Variants in HYDIN observed in about 807,000 individuals in gnomAD.
HYDIN encodes the protein axonemal central pair apparatus protein HYDIN.
In HYDIN, 132 loss-of-function variants were observed where a neutral mutation model predicts 403.9. The observed-to-expected ratio is 0.33, with a 90% CI of 0.28 to 0.38. The LOEUF (loss-of-function observed/expected upper bound fraction) is 0.38, where lower values mean the gene tolerates loss of function less well. HYDIN is among the 10% of genes least tolerant of loss of function. The probability of loss-of-function intolerance (pLI) is 1.00; values close to 1 mark genes in which losing one functional copy is unlikely to be tolerated. For synonymous variants in HYDIN, 1,202 were observed against 1,891.7 expected (o/e 0.64, Z 9.46); for missense variants, 2,827 against 5,009.5 (o/e 0.56, Z 13.15).
At position 70,943,892 on chromosome 16, in the gene HYDIN, T is replaced by C; in HGVS notation, c.6589A>G (p.Ser2197Gly). The change falls in exon 42 of 86, where the codon AGT becomes GGT. Residue 2197 changes from serine to glycine, a missense_variant. Coordinates refer to ENST00000393567, the MANE Select transcript of HYDIN (RefSeq NM_001270974.2). ...PIHRWLSVSPSVGGETGLMSC... is the reference protein window; with the variant it reads ...PIHRWLSVSPGVGGETGLMSC... ...ATCAGCCCGGTCTCGCCTCCGACAC[T>C]GGGACTAACACTGAGCCAGCGGTGG... 1 of 1,613,732 alleles carries C rather than the reference T, an allele frequency of 6.2e-7. No homozygotes were observed. The highest frequency in any genetic ancestry group is 8.5e-7 in the Non-Finnish European group (1 of 1,179,974).
intron 44 of HYDIN, among the ~76,000 whole-genome samples, chr16:70,938,390 C>T (rs1407055055): frequency 1.3e-5 from 2 of 152,244 alleles, no homozygotes; most frequent in African/African-American, 4.8e-5. Flanking sequence ...AAATGCCCGC[C>T]AGTGAGAAAT....
chr16:70,939,341 C>T (rs1400059802), intron 43 of HYDIN, among the ~76,000 whole-genome samples: 1 of 152,238 alleles, frequency 6.6e-6, no homozygotes, highest in Non-Finnish European at 1.5e-5. Context: ...CCTCGTTTTC[C>T]AGAAAGTTTA....
At chr16:71,072,455 C>T (rs1015981940) in intron 13 of HYDIN, among the ~76,000 whole-genome samples, 92 of 152,338 alleles carry the variant, frequency 6.0e-4, no homozygotes, top group African/African-American at 2.1e-3. Context: ...GACTAAGAAA[C>T]TGTAGACTAT....
chr16:70,947,144 T>G (rs1283774058), intron 41 of HYDIN, among the ~76,000 whole-genome samples: 2 of 149,390 alleles, frequency 1.3e-5, no homozygotes, highest in African/African-American at 2.5e-5. Context: ...GCTTCCAGTT[T>G]TTGCCCATTC....
chr16:70,891,434 C>T (rs530950515), intron 57 of HYDIN, among the ~76,000 whole-genome samples: 1 of 152,346 alleles, frequency 6.6e-6, no homozygotes, highest in South Asian at 2.1e-4. Context: ...GGTGATCTGC[C>T]CGCCTTGGCC....
intron 3 of HYDIN, among the ~76,000 whole-genome samples, chr16:71,179,955 G>GT (rs1479450884): frequency 2.0e-5 from 3 of 152,116 alleles, no homozygotes; most frequent in Admixed American, 1.3e-4. Flanking sequence ...AACTGCAGCT[G>GT]TAAGTATCCA....
Position 70,806,658 on chromosome 16 carries a change from G to A in HYDIN, c.*922C>T, listed in dbSNP as rs1250255323. On this transcript the variant is annotated 3_prime_UTR_variant, in exon 86 of 86. Transcript: ENST00000393567. ...CCAGTCTCCTGCCCCTCTTGTAGGA[G>A]GGCTGTGGGGGATGAGTGTGGGGAG... Among the ~76,000 whole-genome samples the A allele has an allele frequency of 1.3e-5, 2 of 152,204 alleles. No homozygotes were observed. Among genetic ancestry groups the A allele is most frequent in the African/African-American group, 4.8e-5 (2 of 41,442 alleles).
chr16:70,836,844 T>C (rs1375473540), intron 77 of HYDIN, among the ~76,000 whole-genome samples: 1 of 152,134 alleles, frequency 6.6e-6, no homozygotes, highest in Non-Finnish European at 1.5e-5. Context: ...ACATAATGGG[T>C]GCTAAATGAA....
intron 75 of HYDIN, among the ~76,000 whole-genome samples, chr16:70,840,513 C>T (rs1027386923): frequency 9.9e-5 from 15 of 152,140 alleles, no homozygotes; most frequent in Admixed American, 4.6e-4. Flanking sequence ...ACCCAATATC[C>T]GCTCCCCATG....
At chr16:71,071,851 T>C (rs1597711579) in intron 13 of HYDIN, among the ~76,000 whole-genome samples, 3 of 152,202 alleles carry the variant, frequency 2.0e-5, no homozygotes, top group Admixed American at 2.0e-4. Context: ...TAAATTATAA[T>C]TGAGAGACTG....
Position 71,179,005 on chromosome 16 carries a change from G to GA in HYDIN, c.303dup (p.Pro102SerfsTer13). 6.2e-7 allele frequency: 1 copy of GA among 1,611,270 alleles called. No homozygotes were observed. Among genetic ancestry groups the GA allele is most frequent in the Non-Finnish European group, 8.5e-7 (1 of 1,177,744 alleles). ...TAGTTCTGAAATATAATTTCTGATG[G>GA]AAAGGGCTGGAATAATGCCTGATCC... On this transcript the variant is annotated frameshift_variant, in exon 4 of 86. Transcript: ENST00000393567. LOFTEE classifies it high-confidence loss of function.
chr16:71,166,002 A>G (rs1199388423), intron 5 of HYDIN, among the ~76,000 whole-genome samples: 1 of 149,180 alleles, frequency 6.7e-6, no homozygotes, highest in Non-Finnish European at 1.5e-5. Context: ...TCTTGATGTA[A>G]CCTGAGTAAC....
intron 84 of HYDIN, chr16:70,817,599 A>G (rs2035922549): frequency 6.6e-6 from 1 of 152,208 alleles, no homozygotes; most frequent in African/African-American, 2.4e-5. Flanking sequence ...CCAGTTCACA[A>G]TTCTATAATT....
intron 16 of HYDIN, among the ~76,000 whole-genome samples, chr16:71,063,511 G>A (rs1419246869): frequency 6.6e-6 from 1 of 152,234 alleles, no homozygotes; most frequent in Non-Finnish European, 1.5e-5. Context: ...GTCCTGCTGT[G>A]CAGAAACAAC....
intron 2 of HYDIN, 83 bp downstream of exon 2, chr16:71,186,678 T>C: frequency 9.1e-7 from 1 of 1,103,304 alleles, no homozygotes; most frequent in Non-Finnish European, 1.3e-6. Flanking sequence ...CTGTTTGGCA[T>C]TCTGAGAATG....
intron 35 of HYDIN, among the ~76,000 whole-genome samples, chr16:70,972,842 T>C (rs1351726521): frequency 6.6e-6 from 1 of 152,244 alleles, no homozygotes; most frequent in Non-Finnish European, 1.5e-5. Context: ...TTGGCAATGT[T>C]TGACTCTGAA....
At position 70,804,924 on chromosome 16, in the gene HYDIN, G is replaced by T. The variant is rs368834222; in HGVS notation, c.*2656C>A. On this transcript the variant is annotated 3_prime_UTR_variant, in exon 86 of 86. Coordinates refer to ENST00000393567, the MANE Select transcript of HYDIN (RefSeq NM_001270974.2). ...GGGAGTTGCCCCTAGCCACCCCAAG[G>T]CTGGCTATAAGCCATGCTGGGGCTG... 6.6e-6 allele frequency among the ~76,000 whole-genome samples: 1 copy of T among 152,242 alleles called. No individual in the cohort carries two copies. Among genetic ancestry groups the T allele is most frequent in the Admixed American group, 6.5e-5 (1 of 15,288 alleles).
At position 70,894,443 on chromosome 16, in the gene HYDIN, A is replaced by G; in HGVS notation, c.9248+6T>C. 6.2e-7 allele frequency: 1 copy of G among 1,600,912 alleles called. No homozygotes were observed. The highest frequency in any genetic ancestry group is 8.5e-7 in the Non-Finnish European group (1 of 1,175,452). ...ATGGCCTTACATCTGATGGGATTCC[A>G]GTTACCTGAACGCGATCTCATATTT... On this transcript the variant is annotated splice_donor_region_variant and intron_variant, in intron 55 of 85. Coordinates refer to ENST00000393567, the MANE Select transcript of HYDIN (RefSeq NM_001270974.2).
intron 28 of HYDIN, among the ~76,000 whole-genome samples, chr16:70,982,105 G>A (rs1408830325): frequency 7.0e-6 from 1 of 143,666 alleles, no homozygotes; most frequent in African/African-American, 2.6e-5. Context: ...TCCAACCTGA[G>A]CGACAGAGCA....
Sources: gnomAD v4.1 joint callset for allele counts (sites outside exome capture counted in the v4.1 genomes callset) on GRCh38, gnomAD v4.1.1 for gene constraint, MANE v1.5 for transcripts, NCBI Gene and HGNC (gene_info 2026-07-23, HGNC 2026-07-21) for gene names.